RIMBP2: variants seen among roughly 807,000 people sequenced by gnomAD.
The protein encoded by RIMBP2 is RIMS-binding protein 2.
A neutral mutation model predicts 118.6 loss-of-function variants in RIMBP2; 48 were observed. That is an observed-to-expected ratio of 0.40 (90% CI 0.32 to 0.51). The LOEUF (loss-of-function observed/expected upper bound fraction) is 0.51, where lower values mean the gene tolerates loss of function less well. Among genes scored for constraint, RIMBP2 ranks in the 20% least tolerant of loss-of-function variants. The pLI is 0.41. For synonymous variants in RIMBP2, 762 were observed against 742.9 expected (o/e 1.03, Z -0.42); for missense variants, 1,551 against 1,768.3 (o/e 0.88, Z 2.20).
intron 1 of RIMBP2, among the ~76,000 whole-genome samples, chr12:130,669,543 G>A (rs968963612): frequency 2.0e-5 from 3 of 152,108 alleles, no homozygotes; most frequent in Non-Finnish European, 4.4e-5. Flanking sequence ...CCCTTTCACA[G>A]CTCACTCTTC....
At chr12:130,445,043 G>C (rs2078413911) in intron 10 of RIMBP2, 117 bp downstream of exon 10, 2 of 652,396 alleles carry the variant, frequency 3.1e-6, no homozygotes, top group Non-Finnish European at 5.3e-6. Context: ...AGAGAGGAGG[G>C]CTGGGTGGCC....
intron 2 of RIMBP2, among the ~76,000 whole-genome samples, chr12:130,520,519 A>AC (rs1566186952): frequency 6.0e-4 from 90 of 150,640 alleles, no homozygotes; most frequent in African/African-American, 2.1e-3. Flanking sequence ...CACACACACA[A>AC]AAATTAGCCA....
At position 130,684,339 on chromosome 12, in the gene RIMBP2, G is replaced by T. The variant is rs146160757; in HGVS notation, c.-352+31883C>A. On this transcript the variant is annotated intron_variant, in intron 1 of 22. Coordinates refer to ENST00000690449, the MANE Select transcript of RIMBP2 (RefSeq NM_001393629.1). ...TCCCAAAAATGTATAAAACCAAGCT[G>T]CGCCCCAACCACCTTGGGCACATGT... is the stretch of plus-strand genomic sequence containing the variant. Among the ~76,000 whole-genome samples the T allele has an allele frequency of 7.7e-3, 1,167 of 152,262 alleles. 18 individuals are homozygous for T. Among genetic ancestry groups the T allele is most frequent in the African/African-American group, 0.027 (1,112 of 41,540 alleles).
intron 1 of RIMBP2, among the ~76,000 whole-genome samples, chr12:130,641,505 C>T (rs991187932): frequency 7.3e-5 from 11 of 150,886 alleles, no homozygotes; most frequent in African/African-American, 2.7e-4. Context: ...ACACTCGGCC[C>T]GGCATCACGG....
At chr12:130,452,756 C>T (rs1228604318) in intron 7 of RIMBP2, among the ~76,000 whole-genome samples, 3 of 152,332 alleles carry the variant, frequency 2.0e-5, no homozygotes, top group South Asian at 2.1e-4. Context: ...TGGGGGGCCG[C>T]GTGTGACTGC....
chr12:130,671,336 G>A (rs1458419441), intron 1 of RIMBP2, among the ~76,000 whole-genome samples: 1 of 152,124 alleles, frequency 6.6e-6, no homozygotes, highest in Non-Finnish European at 1.5e-5. Flanking sequence ...CCTCACCCAA[G>A]AGGATGTCCC....
rs1593453554 is a variant in RIMBP2, at chr12:130,478,806, G to C, written c.102+106C>G. On this transcript the variant is annotated intron_variant, in intron 5 of 22. Transcript: ENST00000690449. Reference sequence around the variant, plus strand: ...TCTGTGCAAGCAGAGAGAGGGAGCGGCCTGGGAGCCAAGGCCGCAGGTCGG... The same window carrying C: ...TCTGTGCAAGCAGAGAGAGGGAGCGCCCTGGGAGCCAAGGCCGCAGGTCGG... The C allele has an allele frequency of 1.4e-5, 10 of 734,204 alleles. No homozygotes were observed. In the African/African-American group the frequency reaches 1.8e-4, roughly 13 times the overall value. The allele number at this position is 734,204 out of a possible 1,614,324, so 45.5% of individuals were successfully genotyped here. A position where few individuals can be genotyped will look rare whatever the true frequency, so the allele number is the denominator to read the frequency against.
chr12:130,584,551 A>C (rs942987759), intron 2 of RIMBP2, among the ~76,000 whole-genome samples: 1 of 150,600 alleles, frequency 6.6e-6, no homozygotes, highest in Non-Finnish European at 1.5e-5. Context: ...CCACCATCAC[A>C]TCACCACCAT....
chr12:130,681,310 G>A (rs1355316713), intron 1 of RIMBP2, among the ~76,000 whole-genome samples: 3 of 151,988 alleles, frequency 2.0e-5, no homozygotes, highest in African/African-American at 7.3e-5. Flanking sequence ...ATAAATGCAT[G>A]TACTTTTTAC....
chr12:130,469,355 G>C lies in RIMBP2; in HGVS notation c.153+1338C>G, dbSNP rs2137838332. 6.6e-6 allele frequency among the ~76,000 whole-genome samples: 1 copy of C among 152,296 alleles called. No individual in the cohort carries two copies. The highest frequency in any genetic ancestry group is 1.9e-4 in the East Asian group (1 of 5,164). ...GTGACAGCGGGATCATGGTGGAGCA[G>C]TCCCTCAGAGGCGGATTGAAGCCAC... On this transcript the variant is annotated intron_variant, in intron 6 of 22. Coordinates refer to ENST00000690449, the MANE Select transcript of RIMBP2 (RefSeq NM_001393629.1). The surrounding 1 kb of genome is among the most constrained non-coding windows in gnomAD (Gnocchi z 4.8).
At chr12:130,645,163 C>T (rs2062802518) in intron 1 of RIMBP2, among the ~76,000 whole-genome samples, 1 of 151,522 alleles carries the variant, frequency 6.6e-6, no homozygotes, top group South Asian at 2.1e-4. Flanking sequence ...AATCTTGGCT[C>T]ACTGCAGCCT....
At chr12:130,415,502 A>G (rs1194978316) in intron 17 of RIMBP2, among the ~76,000 whole-genome samples, 2 of 152,244 alleles carry the variant, frequency 1.3e-5, no homozygotes, top group Non-Finnish European at 2.9e-5. Flanking sequence ...CAAGGCAAGG[A>G]TGCCTGCTCT....
Position 130,422,483 on chromosome 12 carries a change from T to C in RIMBP2, c.3208A>G (p.Arg1070Gly). Residue 1070 changes from arginine (R) to glycine (G), a missense_variant, in exon 17 of 23, where the codon AGG (arginine) becomes GGG (glycine). Coordinates refer to ENST00000690449, the MANE Select transcript of RIMBP2 (RefSeq NM_001393629.1). This position sits in a 1 kb window ranked among gnomAD's most constrained non-coding sequence, Gnocchi z 5.2. ...RFPRGSAGPQ[R>G]SRPVTVPSID... is the part of the protein sequence containing the mutation. ...GATGGGACTGTCACGGGCCGGGACC[T>C]CTGAGGACCAGCGCTGCCACGGGGA... is the stretch of plus-strand genomic sequence containing the variant. 1 of 1,612,998 alleles carries C rather than the reference T, an allele frequency of 6.2e-7. No individual in the cohort carries two copies.
intron 2 of RIMBP2, among the ~76,000 whole-genome samples, chr12:130,533,629 T>C (rs1459468263): frequency 6.6e-6 from 1 of 152,250 alleles, no homozygotes; most frequent in Admixed American, 6.5e-5. Context: ...CATAACACTA[T>C]TCACAATAGC....
At chr12:130,596,949 T>C (rs1440496542) in intron 2 of RIMBP2, among the ~76,000 whole-genome samples, 41 of 152,262 alleles carry the variant, frequency 2.7e-4, no homozygotes. Context: ...ACTTAATTTA[T>C]AGTTAAAGCC....
rs150591967 is a variant in RIMBP2, at chr12:130,623,567, T to C, written c.-217+4755A>G. 3.5e-3 allele frequency among the ~76,000 whole-genome samples: 532 copies of C among 152,264 alleles called. 7 individuals carry two copies. Among genetic ancestry groups the C allele is most frequent in the African/African-American group, 0.012 (511 of 41,544 alleles). On this transcript the variant is annotated intron_variant, in intron 2 of 22. Transcript: ENST00000690449. The surrounding 1 kb of genome is among the most constrained non-coding windows in gnomAD (Gnocchi z 4.1). ...GTTGTCATCTGTGTGTGCATCTACA[T>C]ATAGCACAATTGTTCATCAACAGCA...
At position 130,424,179 on chromosome 12, in the gene RIMBP2, TG is replaced by T; in HGVS notation, c.3091del (p.His1031ThrfsTer13). On this transcript the variant is annotated frameshift_variant, in exon 16 of 23. Coordinates refer to ENST00000690449, the MANE Select transcript of RIMBP2 (RefSeq NM_001393629.1). LOFTEE classifies it high-confidence loss of function. This position sits in a 1 kb window ranked among gnomAD's most constrained non-coding sequence, Gnocchi z 9.8. ...TGCGACTCTGGGAGGTGGCTTTGCG[TG>T]GGGGGCAGCTGCCCTACTGTCGGGC... ...TMPDSRAAAP[H>X]AKPPPRVAQG... 1.6e-6 allele frequency: 2 copies of T among 1,232,032 alleles called. No homozygotes were observed. The highest frequency in any genetic ancestry group is 4.1e-5 in the South Asian group (1 of 24,314). 76.3% of individuals were successfully genotyped at this position (1,232,032 alleles called of 1,614,324 possible). A position where few individuals can be genotyped will look rare whatever the true frequency, so the allele number is the denominator to read the frequency against.
chr12:130,432,992 G>T (rs1163707902), intron 14 of RIMBP2, among the ~76,000 whole-genome samples: 1 of 152,164 alleles, frequency 6.6e-6, no homozygotes, highest in Non-Finnish European at 1.5e-5. Context: ...GGGCCGAGGG[G>T]TCAAGGCCTG....
At chr12:130,471,385 A>G (rs762962763) in intron 5 of RIMBP2, among the ~76,000 whole-genome samples, 4 of 152,028 alleles carry the variant, frequency 2.6e-5, no homozygotes, top group Non-Finnish European at 5.9e-5. Context: ...AGCATCAAAC[A>G]CCGTTATTTC....
Sources: gnomAD v4.1 joint callset for allele counts (sites outside exome capture counted in the v4.1 genomes callset) on GRCh38, gnomAD v4.1.1 for gene constraint, Gnocchi (gnomAD v3.1) non-coding constraint, MANE v1.5 for transcripts, NCBI Gene and HGNC (gene_info 2026-07-23, HGNC 2026-07-21) for gene names.